The following GRIK3 variants were observed in gnomAD, a reference collection of about 807,000 sequenced individuals.
GRIK3 encodes the protein glutamate receptor ionotropic, kainate 3.
A neutral mutation model predicts 102.5 loss-of-function variants in GRIK3; 29 were observed. The observed-to-expected ratio is 0.28, with a 90% CI of 0.21 to 0.39. The LOEUF (loss-of-function observed/expected upper bound fraction) is 0.39, where lower values mean the gene tolerates loss of function less well. Ranked by LOEUF, GRIK3 falls within the 10% of genes least tolerant of loss-of-function variation. GRIK3 has a pLI of 1.00. For synonymous variants in GRIK3, 511 were observed against 504.9 expected (o/e 1.01, Z -0.16); for missense variants, 908 against 1,252.4 (o/e 0.73, Z 4.15).
At chr1:36,837,276 C>T (rs1311209883) in intron 10 of GRIK3, among the ~76,000 whole-genome samples, 1 of 152,174 alleles carries the variant, frequency 6.6e-6, no homozygotes, top group Non-Finnish European at 1.5e-5. Flanking sequence ...GACCCCAATC[C>T]CAACACATCC....
chr1:37,016,266 G>A (rs1367148677), intron 1 of GRIK3, among the ~76,000 whole-genome samples: 1 of 152,218 alleles, frequency 6.6e-6, no homozygotes, highest in African/African-American at 2.4e-5. Context: ...CAGGCAGACA[G>A]GAGTTCAAGT....
intron 13 of GRIK3, among the ~76,000 whole-genome samples, chr1:36,812,366 C>A (rs1642572264): frequency 6.6e-6 from 1 of 152,112 alleles, no homozygotes; most frequent in Admixed American, 6.5e-5. Flanking sequence ...GCTCTCCCAC[C>A]CCCAGCACTG....
rs955322472 is a variant in GRIK3, at chr1:36,795,658, A to G, written c.*6193T>C. On this transcript the variant is annotated 3_prime_UTR_variant, in exon 16 of 16. Coordinates refer to ENST00000373091, the MANE Select transcript of GRIK3 (RefSeq NM_000831.4). ...ATTTGTTTGGAAATTTATTTACATC[A>G]GCCTAGAATGATTGGCAAGTAACAC... The G allele has an allele frequency of 6.6e-6, 1 of 152,276 alleles. No individual in the cohort carries two copies. Among genetic ancestry groups the G allele is most frequent in the South Asian group, 2.1e-4 (1 of 4,838 alleles). 9.4% of individuals were successfully genotyped at this position (152,276 alleles called of 1,614,324 possible).
intron 7 of GRIK3, among the ~76,000 whole-genome samples, chr1:36,854,140 C>T (rs1405845986): frequency 2.0e-5 from 3 of 152,138 alleles, no homozygotes; most frequent in African/African-American, 4.8e-5. Context: ...TTGGCATAGC[C>T]CCCCGAAAGG....
At chr1:36,830,519 A>T (rs1640258882) in intron 10 of GRIK3, among the ~76,000 whole-genome samples, 1 of 152,178 alleles carries the variant, frequency 6.6e-6, no homozygotes, top group Non-Finnish European at 1.5e-5. Flanking sequence ...TAAGAAGAGG[A>T]AAAGAGGAGA....
intron 1 of GRIK3, among the ~76,000 whole-genome samples, chr1:36,985,472 G>C (rs1472293928): frequency 6.6e-6 from 1 of 152,176 alleles, no homozygotes; most frequent in African/African-American, 2.4e-5. Context: ...AGCTTTCCTT[G>C]ATCTCTGGAG....
At chr1:37,006,742 A>T (rs1570861052) in intron 1 of GRIK3, among the ~76,000 whole-genome samples, 1 of 152,234 alleles carries the variant, frequency 6.6e-6, no homozygotes, top group Admixed American at 6.5e-5. Context: ...GGCAATCAAG[A>T]CCAGCCTGCA....
In GRIK3 at chr1:36,797,651, C is replaced by T. The variant is rs919927944; in HGVS notation, c.*4200G>A. ...CAGCTGTTTGTCCAAACCTCTAGCCCCTTTGCAGATGGGTATCCACACAGG... is the reference window on the plus strand; with the variant it reads ...CAGCTGTTTGTCCAAACCTCTAGCCTCTTTGCAGATGGGTATCCACACAGG... On this transcript the variant is annotated 3_prime_UTR_variant, in exon 16 of 16. Transcript: ENST00000373091. 6.6e-6 allele frequency: 1 copy of T among 152,206 alleles called. No individual in the cohort carries two copies. The highest frequency in any genetic ancestry group is 2.4e-5 in the African/African-American group (1 of 41,432). The allele number at this position is 152,206 out of a possible 1,614,324, so 9.4% of individuals were successfully genotyped here.
intron 1 of GRIK3, among the ~76,000 whole-genome samples, chr1:36,947,750 C>T (rs921984984): frequency 6.6e-6 from 1 of 152,114 alleles, no homozygotes; most frequent in African/African-American, 2.4e-5. Flanking sequence ...TCCTCCTGCC[C>T]CCCCATGAAG....
Position 36,861,970 on chromosome 1 carries a change from A to G in GRIK3, c.787-1953T>C, listed in dbSNP as rs182977635. On this transcript the variant is annotated intron_variant, in intron 5 of 15. Coordinates refer to ENST00000373091, the MANE Select transcript of GRIK3 (RefSeq NM_000831.4). Reference sequence around the variant, plus strand: ...GGGTGGCAGTGCTCAGCCCTGCACAAGGACTCCATGGCTTCATCTTCACAG... The same window carrying G: ...GGGTGGCAGTGCTCAGCCCTGCACAGGGACTCCATGGCTTCATCTTCACAG... 1.1e-4 allele frequency among the ~76,000 whole-genome samples: 16 copies of G among 152,268 alleles called. No individual in the cohort carries two copies. In the East Asian group the frequency reaches 3.1e-3, roughly 29 times the overall value.
At chr1:36,923,516 G>T (rs891741882) in intron 1 of GRIK3, among the ~76,000 whole-genome samples, 3 of 152,192 alleles carry the variant, frequency 2.0e-5, no homozygotes, top group Admixed American at 1.3e-4. Context: ...AAATGGGGTG[G>T]GTGGGTGAGG....
intron 11 of GRIK3, among the ~76,000 whole-genome samples, chr1:36,821,966 C>T (rs1381098679): frequency 6.6e-6 from 1 of 152,224 alleles, no homozygotes; most frequent in South Asian, 2.1e-4. Context: ...CTATACTGTC[C>T]GAAAACTTGG....
intron 1 of GRIK3, among the ~76,000 whole-genome samples, chr1:36,899,609 T>G (rs187210284): frequency 1.3e-3 from 196 of 152,274 alleles, no homozygotes; most frequent in African/African-American, 4.6e-3. Flanking sequence ...TGAGTGGTGC[T>G]GATGGTTGCA....
At chr1:36,999,528 G>A (rs1232168653) in intron 1 of GRIK3, among the ~76,000 whole-genome samples, 5 of 152,058 alleles carry the variant, frequency 3.3e-5, no homozygotes, top group African/African-American at 1.2e-4. Flanking sequence ...ACAGAGGCCT[G>A]AGGCAGCTGG....
chr1:36,974,868 T>G (rs60939643), intron 1 of GRIK3, among the ~76,000 whole-genome samples: 38,312 of 150,772 alleles, frequency 0.25, 6,286 homozygotes, highest in African/African-American at 0.47. Flanking sequence ...AACCTCTAAG[T>G]CATGCTAAGT....
intron 13 of GRIK3, among the ~76,000 whole-genome samples, chr1:36,813,326 G>A (rs1642583603): frequency 6.6e-6 from 1 of 152,266 alleles, no homozygotes; most frequent in South Asian, 2.1e-4. Context: ...CTGGCACAAA[G>A]TAAGTGTTCA....
At chr1:36,831,664 T>C (rs1446738633) in intron 10 of GRIK3, among the ~76,000 whole-genome samples, 4 of 152,232 alleles carry the variant, frequency 2.6e-5, no homozygotes, top group Admixed American at 6.5e-5. Flanking sequence ...GATGAAAAGG[T>C]TCTCTGTTTG....
At chr1:37,011,619 G>T (rs924654026) in intron 1 of GRIK3, among the ~76,000 whole-genome samples, 17 of 152,238 alleles carry the variant, frequency 1.1e-4, no homozygotes, top group Admixed American at 1.1e-3. Context: ...GCATGCAGTG[G>T]AGGCTGGTGT....
chr1:36,815,908 C>T (rs1247359808), intron 13 of GRIK3, among the ~76,000 whole-genome samples: 4 of 151,980 alleles, frequency 2.6e-5, no homozygotes, highest in East Asian at 1.9e-4. Flanking sequence ...TACAGGTGCA[C>T]GTCACCTGTA....
Sources: gnomAD v4.1 joint callset for allele counts (sites outside exome capture counted in the v4.1 genomes callset) on GRCh38, gnomAD v4.1.1 for gene constraint, MANE v1.5 for transcripts, NCBI Gene and HGNC (gene_info 2026-07-23, HGNC 2026-07-21) for gene names.